Variants in SUMF1 observed in about 807,000 individuals in gnomAD.
SUMF1 encodes formylglycine-generating enzyme.
A neutral mutation model predicts 47.6 loss-of-function variants in SUMF1; 48 were observed. The observed-to-expected ratio is 1.01, with a 90% CI of 0.80 to 1.28. SUMF1 has a LOEUF of 1.28. Among genes scored for constraint, SUMF1 ranks in the 50% most tolerant of loss-of-function variants. The probability of loss-of-function intolerance (pLI) is 0.00; values close to 1 mark genes in which losing one functional copy is unlikely to be tolerated. For missense variants in SUMF1, 571 were observed against 485.4 expected (o/e 1.18, Z -1.66); for synonymous variants, 230 against 192.1 (o/e 1.20, Z -1.63).
rs768913238 is a variant in SUMF1 at position 4,420,182 on chromosome 3, T to C, written c.520-36A>G. The C allele has an allele frequency of 7.1e-5, 109 of 1,525,146 alleles. 5 individuals carry two copies. The Middle Eastern group carries it at 0.015, about 203-fold the overall frequency. 94.5% of individuals were successfully genotyped at this position (1,525,146 alleles called of 1,614,324 possible). A position where few individuals can be genotyped will look rare whatever the true frequency, so the allele number is the denominator to read the frequency against. On this transcript the variant is annotated intron_variant, in intron 3 of 8. Transcript: ENST00000272902. Reference sequence around the variant, plus strand: ...CCCAGAACAGGCTGATGTTAGCTACTAACATCAACTCTAGAAAAATATCAA... The same window carrying C: ...CCCAGAACAGGCTGATGTTAGCTACCAACATCAACTCTAGAAAAATATCAA...
At chr3:4,382,748 G>T (rs1700546634) in intron 7 of SUMF1, among the ~76,000 whole-genome samples, 1 of 152,122 alleles carries the variant, frequency 6.6e-6, no homozygotes, top group Non-Finnish European at 1.5e-5. Flanking sequence ...CCATAAAAAA[G>T]GATGAGCTCA....
chr3:4,111,353 A>G (rs918088721), intron 8 of SUMF1, among the ~76,000 whole-genome samples: 1 of 152,148 alleles, frequency 6.6e-6, no homozygotes, highest in Non-Finnish European at 1.5e-5. Flanking sequence ...ACTGTAGTAT[A>G]AAACAGAATA....
rs147616422 is a variant in SUMF1 at position 4,114,016 on chromosome 3, C to T, written c.1015-45271G>A. Among the ~76,000 whole-genome samples, 8 of 152,068 alleles carry T rather than the reference C, an allele frequency of 5.3e-5. No individual in the cohort carries two copies. The East Asian group carries it at 5.8e-4, about 11-fold the overall frequency. On this transcript the variant is annotated intron_variant and NMD_transcript_variant, in intron 8 of 12. Transcript: ENST00000448413. ...CTGATTTTAAAAGATGCTGATTGGACGTTTCTGAGATCCCACTTCATCTGT... is the reference window on the plus strand; with the variant it reads ...CTGATTTTAAAAGATGCTGATTGGATGTTTCTGAGATCCCACTTCATCTGT...
At chr3:4,306,532 C>T (rs1009005102) in intron 8 of SUMF1, among the ~76,000 whole-genome samples, 6 of 152,166 alleles carry the variant, frequency 3.9e-5, no homozygotes, top group Non-Finnish European at 7.3e-5. Flanking sequence ...ATATGCACAG[C>T]TCCCAATAAA....
chr3:4,214,248 A>C (rs1310897871), intron 8 of SUMF1, among the ~76,000 whole-genome samples: 1 of 152,228 alleles, frequency 6.6e-6, no homozygotes, highest in Non-Finnish European at 1.5e-5. Flanking sequence ...ACTCAGGATT[A>C]AGAAACTCAC....
intron 9 of SUMF1, among the ~76,000 whole-genome samples, chr3:4,056,946 C>G (rs1206136068): frequency 6.6e-6 from 1 of 151,876 alleles, no homozygotes; most frequent in East Asian, 1.9e-4. Flanking sequence ...CGGGGTTTCA[C>G]CATGTTAGCC....
At chr3:4,443,546 T>A (rs943044261) in intron 3 of SUMF1, among the ~76,000 whole-genome samples, 1 of 152,122 alleles carries the variant, frequency 6.6e-6, no homozygotes, top group Admixed American at 6.5e-5. Flanking sequence ...GAAGGATTGC[T>A]TGAGCCCAGG....
chr3:4,309,630 T>A (rs2125087569), intron 8 of SUMF1, among the ~76,000 whole-genome samples: 1 of 152,246 alleles, frequency 6.6e-6, no homozygotes, highest in East Asian at 1.9e-4. Flanking sequence ...ACCTTCCCCC[T>A]TCACACCCCT....
intron 8 of SUMF1, among the ~76,000 whole-genome samples, chr3:4,329,050 G>C (rs925011662): frequency 6.6e-6 from 1 of 152,218 alleles, no homozygotes. Context: ...AGGTCATGCT[G>C]ATGCAAGAGG....
At chr3:4,269,217 A>T (rs1286188839) in intron 8 of SUMF1, among the ~76,000 whole-genome samples, 42 of 152,122 alleles carry the variant, frequency 2.8e-4, no homozygotes, top group Admixed American at 2.8e-3. Context: ...ACATGTGCAC[A>T]ATGTGCAGGT....
rs565134911 is a variant in SUMF1 at position 4,228,448 on chromosome 3, C to G, written c.1014+147882G>C. On this transcript the variant is annotated intron_variant and NMD_transcript_variant, in intron 8 of 12. Coordinates refer to the SUMF1 transcript ENST00000448413. ...GCAAGTGACAGAATACTCAGGGTAG[C>G]ACTGCTGTTCCAATAACTAAGTTTA... Among the ~76,000 whole-genome samples the G allele has an allele frequency of 1.4e-4, 22 of 152,138 alleles. 1 individual carries two copies. Among genetic ancestry groups the G allele is most frequent in the Admixed American group, 5.2e-4 (8 of 15,268 alleles).
At chr3:4,041,089 T>C (rs1694900246) in intron 9 of SUMF1, among the ~76,000 whole-genome samples, 2 of 152,198 alleles carry the variant, frequency 1.3e-5, no homozygotes, top group Non-Finnish European at 2.9e-5. Context: ...TTTTGTTTTT[T>C]TGAGACAGAA....
intron 3 of SUMF1, among the ~76,000 whole-genome samples, chr3:4,427,423 A>AGTTGCT (rs1307632002): frequency 2.0e-5 from 3 of 152,220 alleles, no homozygotes; most frequent in African/African-American, 7.2e-5. Flanking sequence ...GAAGGAATTA[A>AGTTGCT]ATGGAGTAAA....
Position 4,188,989 on chromosome 3 carries a change from G to A in SUMF1, c.1015-120244C>T, listed in dbSNP as rs148041163. Among the ~76,000 whole-genome samples the A allele has an allele frequency of 2.4e-4, 37 of 152,034 alleles. No individual in the cohort carries two copies. The East Asian group carries it at 6.2e-3, about 25-fold the overall frequency. On this transcript the variant is annotated intron_variant and NMD_transcript_variant, in intron 8 of 12. Coordinates refer to the SUMF1 transcript ENST00000448413. The stretch of plus-strand genomic sequence containing the variant: ...TTCCTAATATTTCACCATTTTGACC[G>A]ACAAAAACAATTTCACATGGGTTCT...
chr3:4,070,728 T>A lies in SUMF1; in HGVS notation c.1015-1983A>T, dbSNP rs143683470. 5.4e-3 allele frequency among the ~76,000 whole-genome samples: 817 copies of A among 152,184 alleles called. 11 individuals are homozygous for A. The highest frequency in any genetic ancestry group is 0.014 in the African/African-American group (597 of 41,522). On this transcript the variant is annotated intron_variant and NMD_transcript_variant, in intron 8 of 12. Coordinates refer to the SUMF1 transcript ENST00000448413. ...TTGGCTCACTGCAAGCTCCACCTCC[T>A]GGGTTCAGGCCATTCTCCTGCCTCA...
chr3:4,347,012 A>C (rs185941262), intron 8 of SUMF1, among the ~76,000 whole-genome samples: 27 of 152,356 alleles, frequency 1.8e-4, no homozygotes, highest in African/African-American at 6.0e-4. Context: ...ATAGACCGAT[A>C]ACAAGCTCTG....
intron 9 of SUMF1, among the ~76,000 whole-genome samples, chr3:4,060,241 T>C (rs811253): frequency 0.97 from 148,452 of 152,294 alleles, 72,449 homozygotes; most frequent in Middle Eastern, 1. Flanking sequence ...TGACATCATA[T>C]ACAAAGTATT....
intron 8 of SUMF1, among the ~76,000 whole-genome samples, chr3:4,370,563 A>G (rs1348899644): frequency 6.6e-6 from 1 of 152,198 alleles, no homozygotes; most frequent in African/African-American, 2.4e-5. Flanking sequence ...CACTCAAATG[A>G]ACTGTTGGGA....
At chr3:4,104,336 A>G (rs1261586845) in intron 8 of SUMF1, among the ~76,000 whole-genome samples, 12 of 152,048 alleles carry the variant, frequency 7.9e-5, no homozygotes. Flanking sequence ...TGGAATTGTG[A>G]GTCCATTAGA....
Sources: gnomAD v4.1 joint callset for allele counts (sites outside exome capture counted in the v4.1 genomes callset) on GRCh38, gnomAD v4.1.1 for gene constraint, MANE v1.5 for transcripts, NCBI Gene and HGNC (gene_info 2026-07-23, HGNC 2026-07-21) for gene names.